RBFOX1: variants seen among roughly 807,000 people sequenced by gnomAD.
The protein encoded by RBFOX1 is RNA binding protein fox-1 homolog 1.
In RBFOX1, 8 loss-of-function variants were observed where a neutral mutation model predicts 57.7. That is an observed-to-expected ratio of 0.14 (90% confidence interval 0.08 to 0.25). RBFOX1 has a LOEUF of 0.25. RBFOX1 is among the 10% of genes least tolerant of loss of function. RBFOX1 has a pLI of 1.00. For missense variants in RBFOX1, 611 were observed against 548.5 expected, an observed-to-expected ratio of 1.11 and a Z score of -1.14; for synonymous variants, 326 against 222.4, an observed-to-expected ratio of 1.47 and a Z score of -4.15.
At chr16:5,286,440 C>G (rs527646391) in intron 1 of RBFOX1, among the ~76,000 whole-genome samples, 2 of 152,188 alleles carry the variant, frequency 1.3e-5, no homozygotes, top group African/African-American at 4.8e-5. Context: ...GCTCTGGAGG[C>G]AGGGGAGTCA....
intron 3 of RBFOX1, among the ~76,000 whole-genome samples, chr16:6,811,356 T>A (rs1172632241): frequency 6.6e-6 from 1 of 152,164 alleles, no homozygotes; most frequent in African/African-American, 2.4e-5. Context: ...TATTATGGGG[T>A]AGGATCACTT....
chr16:6,985,655 C>G (rs910890066), intron 3 of RBFOX1, among the ~76,000 whole-genome samples: 2 of 151,924 alleles, frequency 1.3e-5, no homozygotes, highest in East Asian at 3.9e-4. Flanking sequence ...TGGCAAAACC[C>G]CATCTCTACA....
intron 5 of RBFOX1, among the ~76,000 whole-genome samples, chr16:7,533,415 T>TA (rs1555560643): frequency 1.1e-4 from 17 of 151,472 alleles, no homozygotes; most frequent in East Asian, 5.9e-4. Context: ...CCTGCATTTT[T>TA]TAAAAAAAAA....
chr16:5,270,004 A>G (rs2062965117), intron 1 of RBFOX1, among the ~76,000 whole-genome samples: 1 of 152,092 alleles, frequency 6.6e-6, no homozygotes, highest in Admixed American at 6.6e-5. Context: ...AAAAGAAAAA[A>G]TAAATAGCAG....
chr16:7,699,220 G>C (rs1283695406), intron 14 of RBFOX1, among the ~76,000 whole-genome samples: 2 of 152,124 alleles, frequency 1.3e-5, no homozygotes, highest in Admixed American at 6.6e-5. Context: ...TAGGGTCTCT[G>C]TCATCCAGGC....
intron 3 of RBFOX1, among the ~76,000 whole-genome samples, chr16:5,816,022 C>T (rs575356751): frequency 3.3e-5 from 5 of 152,286 alleles, no homozygotes; most frequent in Admixed American, 6.5e-5. Context: ...TTGAGAGGGG[C>T]CCAGTAAAAG....
At chr16:6,849,020 T>C (rs900574645) in intron 3 of RBFOX1, among the ~76,000 whole-genome samples, 3 of 152,210 alleles carry the variant, frequency 2.0e-5, no homozygotes, top group African/African-American at 4.8e-5. Context: ...AGTCCCACCA[T>C]TGGCCAGGCT....
intron 1 of RBFOX1, among the ~76,000 whole-genome samples, chr16:6,120,722 C>G (rs116259099): frequency 0.016 from 2,398 of 152,230 alleles, 62 homozygotes; most frequent in African/African-American, 0.054. Context: ...GCTTGTGGCT[C>G]TGAATTCAGA....
chr16:6,004,086 G>T (rs951884363), intron 4 of RBFOX1, among the ~76,000 whole-genome samples: 1 of 152,176 alleles, frequency 6.6e-6, no homozygotes, highest in Non-Finnish European at 1.5e-5. Context: ...TGCATGTGGG[G>T]CTTAATACCA....
chr16:6,799,326 C>G (rs1006943446), intron 3 of RBFOX1, among the ~76,000 whole-genome samples: 3 of 152,080 alleles, frequency 2.0e-5, no homozygotes, highest in East Asian at 1.9e-4. Flanking sequence ...TCATTATATG[C>G]TATTAGGTTG....
intron 3 of RBFOX1, among the ~76,000 whole-genome samples, chr16:6,665,136 A>G (rs771034459): frequency 5.9e-5 from 9 of 152,212 alleles, no homozygotes; most frequent in Non-Finnish European, 1.0e-4. Flanking sequence ...GACGGCAACC[A>G]CCAGCTGTAT....
intron 11 of RBFOX1, among the ~76,000 whole-genome samples, chr16:7,648,570 C>G (rs6501005): frequency 6.6e-6 from 1 of 152,040 alleles, no homozygotes; most frequent in East Asian, 1.9e-4. Flanking sequence ...AAGGCACAGT[C>G]ATAAGTCAGA....
intron 4 of RBFOX1, among the ~76,000 whole-genome samples, chr16:7,436,991 G>C (rs190346222): frequency 4.7e-4 from 71 of 152,266 alleles, no homozygotes; most frequent in African/African-American, 1.7e-3. Context: ...TGAGGTAGGA[G>C]AATCTCTTAA....
At chr16:5,854,034 G>A (rs1247556973) in intron 3 of RBFOX1, among the ~76,000 whole-genome samples, 1 of 151,996 alleles carries the variant, frequency 6.6e-6, no homozygotes, top group East Asian at 1.9e-4. Flanking sequence ...TTTAATTTTT[G>A]CCAGCTTTAT....
intron 4 of RBFOX1, among the ~76,000 whole-genome samples, chr16:7,387,294 A>G (rs1232943578): frequency 6.6e-6 from 1 of 152,054 alleles, no homozygotes; most frequent in Non-Finnish European, 1.5e-5. Context: ...GCTATGTTCT[A>G]TTTTTATCCT....
chr16:6,940,045 T>C (rs1040084079), intron 3 of RBFOX1, among the ~76,000 whole-genome samples: 9 of 152,154 alleles, frequency 5.9e-5, no homozygotes, highest in South Asian at 2.1e-4. Context: ...CAAAACCCTG[T>C]CTCTACTGAA....
intron 13 of RBFOX1, among the ~76,000 whole-genome samples, chr16:7,665,234 T>C (rs1483420632): frequency 6.6e-6 from 1 of 152,192 alleles, no homozygotes; most frequent in African/African-American, 2.4e-5. Context: ...ATTTCTTTCA[T>C]GCCAACTAAA....
intron 2 of RBFOX1, among the ~76,000 whole-genome samples, chr16:6,580,850 G>A (rs772380969): frequency 2.0e-5 from 3 of 150,834 alleles, no homozygotes; most frequent in Non-Finnish European, 4.4e-5. Flanking sequence ...AGTGTTAACC[G>A]ATGCCTAAAT....
At chr16:7,688,583 G>A (rs1399520831) in intron 14 of RBFOX1, among the ~76,000 whole-genome samples, 1 of 152,002 alleles carries the variant, frequency 6.6e-6, no homozygotes, top group Non-Finnish European at 1.5e-5. Flanking sequence ...TAATTTTTCA[G>A]AAGGAAAACT....
Sources: gnomAD v4.1 joint callset for allele counts (sites outside exome capture counted in the v4.1 genomes callset) on GRCh38, gnomAD v4.1.1 for gene constraint, MANE v1.5 for transcripts, NCBI Gene and HGNC (gene_info 2026-07-23, HGNC 2026-07-21) for gene names.